ATP8A2: variants seen among roughly 807,000 people sequenced by gnomAD.
ATP8A2 encodes the protein phospholipid-transporting ATPase IB.
ATP8A2 carries 100 observed loss-of-function variants against 165.6 expected under a neutral mutation model. The observed-to-expected ratio is 0.60, with a 90% CI of 0.51 to 0.71. The LOEUF (loss-of-function observed/expected upper bound fraction) is 0.71. Among genes scored for constraint, ATP8A2 ranks in the 30% least tolerant of loss-of-function variants. The pLI is 0.00. For synonymous variants in ATP8A2, 543 were observed against 548.8 expected, an observed-to-expected ratio of 0.99 and a Z score of 0.15; for missense variants, 1,227 against 1,479.5, an observed-to-expected ratio of 0.83 and a Z score of 2.80.
intron 25 of ATP8A2, among the ~76,000 whole-genome samples, chr13:25,701,647 T>A (rs2137925905): frequency 6.6e-6 from 1 of 152,012 alleles, no homozygotes; most frequent in East Asian, 1.9e-4. Flanking sequence ...GTCCGTTGGA[T>A]TCTCAGGGGA....
intron 24 of ATP8A2, among the ~76,000 whole-genome samples, chr13:25,606,012 T>C (rs997940848): frequency 2.6e-5 from 4 of 152,188 alleles, no homozygotes; most frequent in African/African-American, 4.8e-5. Context: ...GCCAGTTTAA[T>C]TGTAATTTAT....
At chr13:25,727,460 G>A (rs551333473) in intron 25 of ATP8A2, among the ~76,000 whole-genome samples, 3 of 152,256 alleles carry the variant, frequency 2.0e-5, no homozygotes, top group South Asian at 2.1e-4. Flanking sequence ...TTACTGAAAA[G>A]CAAATATCTC....
intron 25 of ATP8A2, among the ~76,000 whole-genome samples, chr13:25,699,555 C>T (rs2042908205): frequency 6.6e-6 from 1 of 152,156 alleles, no homozygotes. Context: ...TTATTGTCTT[C>T]TGAGAAGATA....
At chr13:25,463,411 T>C (rs1213615513) in intron 1 of ATP8A2, among the ~76,000 whole-genome samples, 1 of 151,996 alleles carries the variant, frequency 6.6e-6, no homozygotes, top group East Asian at 1.9e-4. Flanking sequence ...TTATCATAAA[T>C]AAACTAATAT....
Position 26,023,864 on chromosome 13 carries a change from C to T in ATP8A2, c.*3879C>T, listed in dbSNP as rs895868712. On this transcript the variant is annotated 3_prime_UTR_variant, in exon 37 of 37. Coordinates refer to ENST00000381655, the MANE Select transcript of ATP8A2 (RefSeq NM_016529.6). ...AGCATTTGAAATGTAGTCTTCATCT[C>T]CTGGGATCCATAAAAAAATGTGAAC... is the stretch of plus-strand genomic sequence containing the variant. The T allele has an allele frequency of 6.6e-6, 1 of 152,118 alleles. No homozygotes were observed. The highest frequency in any genetic ancestry group is 1.5e-5 in the Non-Finnish European group (1 of 68,018). 9.4% of individuals were successfully genotyped at this position (152,118 alleles called of 1,614,324 possible). A position where few individuals can be genotyped will look rare whatever the true frequency, so the allele number is the denominator to read the frequency against.
intron 1 of ATP8A2, among the ~76,000 whole-genome samples, chr13:25,386,088 G>A (rs566617292): frequency 3.1e-4 from 47 of 152,020 alleles, no homozygotes; most frequent in African/African-American, 1.1e-3. Context: ...GCTAATTTTT[G>A]TATTTTTAGT....
intron 33 of ATP8A2, among the ~76,000 whole-genome samples, chr13:25,929,284 C>A (rs1039768768): frequency 6.6e-6 from 1 of 152,132 alleles, no homozygotes; most frequent in Admixed American, 6.5e-5. Flanking sequence ...TCTCCCTTCC[C>A]TGAAGGCAGA....
intron 28 of ATP8A2, among the ~76,000 whole-genome samples, chr13:25,835,468 T>C (rs1951581180): frequency 6.6e-6 from 1 of 152,038 alleles, no homozygotes; most frequent in Non-Finnish European, 1.5e-5. Context: ...GGCCATATAC[T>C]CCATCTCCAA....
intron 24 of ATP8A2, among the ~76,000 whole-genome samples, chr13:25,663,479 A>C (rs2042091418): frequency 1.3e-5 from 2 of 152,154 alleles, no homozygotes; most frequent in African/African-American, 4.8e-5. Flanking sequence ...TTGACACCTG[A>C]TGTAATATTC....
intron 24 of ATP8A2, among the ~76,000 whole-genome samples, chr13:25,667,262 G>T (rs757970285): frequency 3.3e-5 from 5 of 152,046 alleles, no homozygotes. Context: ...TGGTTTGTTT[G>T]CCTCCACCGA....
chr13:25,424,319 C>G (rs2034381818), intron 1 of ATP8A2, among the ~76,000 whole-genome samples: 1 of 152,200 alleles, frequency 6.6e-6, no homozygotes, highest in African/African-American at 2.4e-5. Context: ...GTCCTTTCTT[C>G]TATAGCAGAT....
intron 27 of ATP8A2, among the ~76,000 whole-genome samples, chr13:25,792,994 G>A (rs898186294): frequency 4.7e-5 from 7 of 149,676 alleles, no homozygotes; most frequent in African/African-American, 1.7e-4. Context: ...AGGAGGGATA[G>A]GGGAGAGAGG....
At position 25,928,638 on chromosome 13, in the gene ATP8A2, G is replaced by A. The variant is rs114544444; in HGVS notation, c.3184-32937G>A. Among the ~76,000 whole-genome samples, 540 of 152,310 alleles carry A rather than the reference G, an allele frequency of 3.5e-3. 1 individual carries two copies. Among genetic ancestry groups the A allele is most frequent in the African/African-American group, 0.012 (509 of 41,572 alleles). The stretch of plus-strand genomic sequence containing the variant: ...AGAACAGTTGTAGGATTCCTGTGCC[G>A]TGGTAACTCCGTGGATTACCCATCT... On this transcript the variant is annotated intron_variant, in intron 33 of 36. Coordinates refer to ENST00000381655, the MANE Select transcript of ATP8A2 (RefSeq NM_016529.6).
chr13:25,691,461 T>G (rs1218747532), intron 24 of ATP8A2, among the ~76,000 whole-genome samples: 1 of 152,194 alleles, frequency 6.6e-6, no homozygotes, highest in Admixed American at 6.5e-5. Context: ...AAGTTTTTTG[T>G]TTTTCGTTTT....
rs181938678 is a variant in ATP8A2 at position 25,792,014 on chromosome 13, A to G, written c.2679+17055A>G. Among the ~76,000 whole-genome samples, 182 of 152,272 alleles carry G rather than the reference A, an allele frequency of 1.2e-3. 1 individual carries two copies. The highest frequency in any genetic ancestry group is 4.2e-3 in the African/African-American group (174 of 41,546). On this transcript the variant is annotated intron_variant, in intron 27 of 36. Transcript: ENST00000381655. ...TTAGTGTTGATTTTGATGTACCAGAACCTAAATTGCTTAAATTAAAAACTT... is the reference window on the plus strand; with the variant it reads ...TTAGTGTTGATTTTGATGTACCAGAGCCTAAATTGCTTAAATTAAAAACTT...
intron 24 of ATP8A2, among the ~76,000 whole-genome samples, chr13:25,676,840 T>C (rs961948968): frequency 6.6e-6 from 1 of 152,176 alleles, no homozygotes; most frequent in Non-Finnish European, 1.5e-5. Context: ...GGTAGAGTTA[T>C]TCAATAGGGA....
chr13:25,895,826 T>A (rs1481192682), intron 33 of ATP8A2, among the ~76,000 whole-genome samples: 1 of 152,194 alleles, frequency 6.6e-6, no homozygotes, highest in East Asian at 1.9e-4. Flanking sequence ...TGCATAGAGG[T>A]GTTTATAGTA....
At position 25,541,983 on chromosome 13, in the gene ATP8A2, AGT is replaced by A. The variant is rs1286927631; in HGVS notation, c.720_721del (p.Cys240Ter). 6.2e-7 allele frequency: 1 copy of A among 1,613,988 alleles called. No individual in the cohort carries two copies. Among genetic ancestry groups the A allele is most frequent in the Non-Finnish European group, 8.5e-7 (1 of 1,179,978 alleles). On this transcript the variant is annotated frameshift_variant, in exon 9 of 37. Transcript: ENST00000381655. LOFTEE classifies it high-confidence loss of function. ...CTGATGAAGTTATCTGGAACTATAG[AGT>A]GTGAAGGGCCCAACCGCCACCTCTA... is the stretch of plus-strand genomic sequence containing the variant.
rs1208512087 is a variant in ATP8A2 at position 25,493,637 on chromosome 13, C to T, written c.221+24516C>T. ...GGTGTATCCAGAGAAGTTAAATATG[C>T]TGGTCTAGACAGAGCTTGTGGTAGA... is the stretch of plus-strand genomic sequence containing the variant. On this transcript the variant is annotated intron_variant, in intron 2 of 36. Transcript: ENST00000381655. Among the ~76,000 whole-genome samples, 5 of 152,282 alleles carry T rather than the reference C, an allele frequency of 3.3e-5. No homozygotes were observed. In the East Asian group the frequency reaches 9.7e-4, roughly 29 times the overall value.
Sources: allele counts gnomAD v4.1 joint callset (sites outside exome capture counted in the v4.1 genomes callset), GRCh38; gene constraint gnomAD v4.1.1; transcripts MANE v1.5; gene names NCBI Gene and HGNC (gene_info 2026-07-23, HGNC 2026-07-21).